The following GRIK1 variants were observed in gnomAD, a reference collection of about 807,000 sequenced individuals.
GRIK1 encodes the protein glutamate ionotropic receptor kainate type subunit 1.
In GRIK1, 69 loss-of-function variants were observed where a neutral mutation model predicts 105.7. The ratio of observed to expected loss-of-function variants is 0.65; its 90% confidence interval spans 0.54 to 0.80. The LOEUF (loss-of-function observed/expected upper bound fraction) is 0.80, where lower values mean the gene tolerates loss of function less well. Ranked by LOEUF, GRIK1 falls within the 30% of genes least tolerant of loss-of-function variation. The pLI is 0.00. For synonymous variants in GRIK1, 438 were observed against 431.3 expected, an observed-to-expected ratio of 1.02 and a Z score of -0.19; for missense variants, 1,109 against 1,167.3, an observed-to-expected ratio of 0.95 and a Z score of 0.73.
At chr21:29,845,178 A>G (rs763984925) in intron 1 of GRIK1, among the ~76,000 whole-genome samples, 5 of 151,958 alleles carry the variant, frequency 3.3e-5, no homozygotes, top group African/African-American at 4.8e-5. Flanking sequence ...ATTTTAGGAA[A>G]CACTTTTTTT....
chr21:29,844,288 T>A (rs563720431), intron 1 of GRIK1, among the ~76,000 whole-genome samples: 1 of 152,312 alleles, frequency 6.6e-6, no homozygotes, highest in African/African-American at 2.4e-5. Flanking sequence ...GACTGTTCAA[T>A]CAGTGCTACC....
intron 1 of GRIK1, among the ~76,000 whole-genome samples, chr21:29,906,610 A>G (rs978609076): frequency 1.3e-5 from 2 of 152,140 alleles, no homozygotes; most frequent in Non-Finnish European, 2.9e-5. Context: ...TATAGGCTGA[A>G]GAGGTTTAAG....
At chr21:29,690,049 A>T in intron 2 of GRIK1, 64 bp from the exon 3 acceptor site, 1 of 1,298,302 alleles carries the variant, frequency 7.7e-7, no homozygotes, top group African/African-American at 1.5e-5. Context: ...AGAAAAAGAG[A>T]GTTCTATGAA....
At chr21:29,539,942 TA>T (rs968797662) in intron 16 of GRIK1, among the ~76,000 whole-genome samples, 1 of 152,232 alleles carries the variant, frequency 6.6e-6, no homozygotes, top group Non-Finnish European at 1.5e-5. Context: ...AAATATTTTT[TA>T]TCACTATAGA....
In GRIK1 at chr21:29,587,425, A is replaced by G. The variant is rs1369179274; in HGVS notation, c.1734T>C (p.Ile578=). The change falls in exon 12 of 18, where the codon ATT becomes ATC. Residue 578 remains isoleucine (I), a synonymous_variant. Transcript: ENST00000327783. ...FSFLNPLSPD[I]WMYVLLACLG... ...AGCAGGCTAAGAGCACATACATCCA[A>G]ATATCTGGAGACAGGGGGTTGAGGA... is the stretch of plus-strand genomic sequence containing the variant. 3 of 1,613,944 alleles carry G rather than the reference A, an allele frequency of 1.9e-6. No homozygotes were observed. Among genetic ancestry groups the G allele is most frequent in the Non-Finnish European group, 2.5e-6 (3 of 1,179,864 alleles).
chr21:29,631,276 A>G (rs1366885707), intron 7 of GRIK1, among the ~76,000 whole-genome samples: 1 of 152,240 alleles, frequency 6.6e-6, no homozygotes, highest in Non-Finnish European at 1.5e-5. Context: ...ATAACCCCCA[A>G]TGTGATGGTA....
In GRIK1 at chr21:29,693,968, T is replaced by C. The variant is rs1169009614; in HGVS notation, c.214A>G (p.Met72Val). ...VTSINRNRTL[M>V]PNTTLTYDIQ... ...TCATAGGTTAATGTGGTGTTAGGCATCAGGGTTCGGTTTCTGTTAATGCTG... is the reference window on the plus strand; with the variant it reads ...TCATAGGTTAATGTGGTGTTAGGCACCAGGGTTCGGTTTCTGTTAATGCTG... Residue 72 changes from methionine (M) to valine (V), a missense_variant, in exon 2 of 18, where the codon ATG (methionine) becomes GTG (valine). Physicochemically the swap from Met to Val is conservative, Grantham distance 21. Around this residue, in one of 5 missense-constraint regions of GRIK1, gnomAD observed 612 missense variants for 586.0 expected, o/e 1.04. Coordinates refer to ENST00000327783, the MANE Select transcript of GRIK1 (RefSeq NM_001330994.2). 2.5e-6 allele frequency: 4 copies of C among 1,612,594 alleles called. No homozygotes were observed. Among genetic ancestry groups the C allele is most frequent in the Non-Finnish European group, 3.4e-6 (4 of 1,178,572 alleles).
intron 3 of GRIK1, among the ~76,000 whole-genome samples, chr21:29,680,298 A>T (rs1321975304): frequency 6.6e-6 from 1 of 152,238 alleles, no homozygotes; most frequent in Non-Finnish European, 1.5e-5. Flanking sequence ...AGAGGACATG[A>T]TCATATATAA....
intron 14 of GRIK1, among the ~76,000 whole-genome samples, chr21:29,566,429 T>G (rs1409261690): frequency 1.3e-5 from 2 of 152,212 alleles, no homozygotes; most frequent in African/African-American, 4.8e-5. Flanking sequence ...GATAAATGCA[T>G]TTTATCTGTT....
intron 16 of GRIK1, among the ~76,000 whole-genome samples, chr21:29,552,981 A>G (rs888447807): frequency 2.0e-5 from 3 of 152,090 alleles, no homozygotes; most frequent in Admixed American, 2.0e-4. Context: ...AAATCTTTAA[A>G]TGCTAAGACA....
chr21:29,787,737 C>A (rs1434929863), intron 1 of GRIK1, among the ~76,000 whole-genome samples: 2 of 152,202 alleles, frequency 1.3e-5, no homozygotes, highest in African/African-American at 4.8e-5. Flanking sequence ...TAGGTTAGGT[C>A]CATTCCAGTG....
intron 1 of GRIK1, among the ~76,000 whole-genome samples, chr21:29,931,626 A>G (rs918269875): frequency 3.9e-5 from 6 of 152,144 alleles, no homozygotes; most frequent in African/African-American, 1.4e-4. Context: ...GCACTATAAG[A>G]TCCTCCAGAA....
intron 1 of GRIK1, among the ~76,000 whole-genome samples, chr21:29,754,372 T>C (rs2065281683): frequency 6.6e-6 from 1 of 152,158 alleles, no homozygotes. Context: ...ATCAAGAATA[T>C]GGAAGGAAAA....
intron 9 of GRIK1, among the ~76,000 whole-genome samples, chr21:29,595,354 T>C (rs2061393122): frequency 6.6e-6 from 1 of 151,658 alleles, no homozygotes; most frequent in African/African-American, 2.4e-5. Flanking sequence ...TTTTTTTTTT[T>C]TTTCTTTTTC....
At chr21:29,740,358 C>G (rs1214556792) in intron 1 of GRIK1, among the ~76,000 whole-genome samples, 10 of 152,052 alleles carry the variant, frequency 6.6e-5, no homozygotes, top group Non-Finnish European at 1.2e-4. Context: ...GTTGGGACTA[C>G]AGGTACATGC....
intron 1 of GRIK1, among the ~76,000 whole-genome samples, chr21:29,802,851 C>T (rs1048723687): frequency 1.3e-5 from 2 of 152,166 alleles, no homozygotes; most frequent in African/African-American, 4.8e-5. Flanking sequence ...GATCCCGGAT[C>T]TTCCACTAGT....
At chr21:29,917,541 C>T (rs1569216813) in intron 1 of GRIK1, among the ~76,000 whole-genome samples, 1 of 152,028 alleles carries the variant, frequency 6.6e-6, no homozygotes, top group Non-Finnish European at 1.5e-5. Context: ...TACTATGGTG[C>T]AAAGCATTTA....
At chr21:29,676,317 G>C (rs2063265962) in intron 3 of GRIK1, among the ~76,000 whole-genome samples, 1 of 152,198 alleles carries the variant, frequency 6.6e-6, no homozygotes, top group Non-Finnish European at 1.5e-5. Context: ...CAGGGAGGGA[G>C]TGAGTTTTTT....
chr21:29,909,914 A>C (rs1388832800), intron 1 of GRIK1, among the ~76,000 whole-genome samples: 2 of 152,180 alleles, frequency 1.3e-5, no homozygotes, highest in Non-Finnish European at 2.9e-5. Flanking sequence ...TAATTTTAAA[A>C]GACATTTAAT....
Sources: gnomAD v4.1 joint callset for allele counts (sites outside exome capture counted in the v4.1 genomes callset) on GRCh38, gnomAD v4.1.1 for gene constraint, gnomAD v4.1.1 regional missense constraint, MANE v1.5 for transcripts, NCBI Gene and HGNC (gene_info 2026-07-23, HGNC 2026-07-21) for gene names.